CCSER1: variants seen among roughly 807,000 people sequenced by gnomAD.
CCSER1 encodes coiled-coil serine rich protein 1, also known as serine-rich coiled-coil domain-containing protein 1.
In CCSER1, 41 loss-of-function variants were observed where a neutral mutation model predicts 82.0. The observed-to-expected ratio is 0.50, with a 90% confidence interval of 0.39 to 0.65. CCSER1 has a LOEUF of 0.65. CCSER1 is among the 30% of genes least tolerant of loss of function. The probability of loss-of-function intolerance (pLI) is 0.00; values close to 1 mark genes in which losing one functional copy is unlikely to be tolerated. For missense variants in CCSER1, 1,119 were observed against 1,064.2 expected (o/e 1.05, Z -0.72); for synonymous variants, 414 against 383.9 (o/e 1.08, Z -0.92).
At chr4:90,781,737 G>C in intron 7 of CCSER1, 1 of 968,786 alleles carries the variant, frequency 1.0e-6, no homozygotes, top group Non-Finnish European at 1.2e-6. Flanking sequence ...GCCATTGTTT[G>C]CAAGTATGAA....
At chr4:91,036,852 G>A (rs972418000) in intron 9 of CCSER1, among the ~76,000 whole-genome samples, 13 of 152,126 alleles carry the variant, frequency 8.5e-5, no homozygotes, top group African/African-American at 1.2e-4. Flanking sequence ...ACCCAGGCAG[G>A]TGGGTCAGTT....
chr4:91,325,152 TG>T, intron 10 of CCSER1: 1 of 456,176 alleles, frequency 2.2e-6, no homozygotes, highest in Non-Finnish European at 4.4e-6. Flanking sequence ...GGGTTAGCAG[TG>T]GTCCTCTTTT....
chr4:90,534,782 T>A (rs1775108908), intron 5 of CCSER1, among the ~76,000 whole-genome samples: 1 of 152,194 alleles, frequency 6.6e-6, no homozygotes, highest in Non-Finnish European at 1.5e-5. Flanking sequence ...TATTTTTGGA[T>A]TAGATGTAAT....
intron 10 of CCSER1, among the ~76,000 whole-genome samples, chr4:91,322,332 T>C (rs1187766517): frequency 6.6e-6 from 1 of 152,126 alleles, no homozygotes; most frequent in Non-Finnish European, 1.5e-5. Flanking sequence ...ATGTAAACAA[T>C]TGTAACTATC....
intron 10 of CCSER1, among the ~76,000 whole-genome samples, chr4:91,327,995 A>T (rs1001933815): frequency 6.6e-6 from 1 of 152,180 alleles, no homozygotes; most frequent in Admixed American, 6.6e-5. Context: ...GGACTTCATT[A>T]TCCATGTAAC....
chr4:91,357,257 T>C (rs758456445), intron 10 of CCSER1, among the ~76,000 whole-genome samples: 9 of 152,234 alleles, frequency 5.9e-5, no homozygotes, highest in Non-Finnish European at 1.2e-4. Flanking sequence ...TACCTTTATA[T>C]TAGTGTGTTA....
intron 10 of CCSER1, among the ~76,000 whole-genome samples, chr4:91,172,394 A>G (rs563862754): frequency 1.1e-3 from 163 of 152,340 alleles, no homozygotes; most frequent in African/African-American, 3.6e-3. Flanking sequence ...TTCTAGGAAA[A>G]GGCAACAACA....
intron 1 of CCSER1, among the ~76,000 whole-genome samples, chr4:90,128,701 G>A (rs1282911532): frequency 1.3e-5 from 2 of 152,116 alleles, no homozygotes. Flanking sequence ...GTGCTTCTGC[G>A]TGCGTGGAGG....
intron 1 of CCSER1, among the ~76,000 whole-genome samples, chr4:90,183,762 T>G (rs1275966036): frequency 6.6e-6 from 1 of 152,158 alleles, no homozygotes. Flanking sequence ...AATCTGGCAG[T>G]GTTAAGGACA....
chr4:90,228,097 AG>A (rs1401711019), intron 1 of CCSER1, among the ~76,000 whole-genome samples: 1 of 152,222 alleles, frequency 6.6e-6, no homozygotes, highest in African/African-American at 2.4e-5. Flanking sequence ...GCAGCCGGGA[AG>A]CTCCAACTGG....
At chr4:90,492,897 C>T (rs1171264109) in intron 5 of CCSER1, among the ~76,000 whole-genome samples, 3 of 151,972 alleles carry the variant, frequency 2.0e-5, no homozygotes, top group African/African-American at 4.8e-5. Context: ...TTTGTTAAAG[C>T]TTCTATTCTT....
intron 10 of CCSER1, among the ~76,000 whole-genome samples, chr4:91,596,292 TG>T (rs1764574321): frequency 6.6e-6 from 1 of 151,984 alleles, no homozygotes; most frequent in African/African-American, 2.4e-5. Flanking sequence ...ATTAAAATAG[TG>T]GAAATGAAGT....
At chr4:91,386,720 T>C (rs1195005323) in intron 10 of CCSER1, among the ~76,000 whole-genome samples, 4 of 152,018 alleles carry the variant, frequency 2.6e-5, no homozygotes, top group Non-Finnish European at 5.9e-5. Flanking sequence ...GCAATGAACT[T>C]TGTTTCTGCA....
chr4:90,700,102 A>G (rs1215618545), intron 6 of CCSER1, among the ~76,000 whole-genome samples: 2 of 151,724 alleles, frequency 1.3e-5, no homozygotes, highest in Non-Finnish European at 2.9e-5. Flanking sequence ...CTCGTCATTT[A>G]CATTAGGTAT....
At chr4:91,136,228 A>C (rs941016606) in intron 10 of CCSER1, among the ~76,000 whole-genome samples, 1 of 152,208 alleles carries the variant, frequency 6.6e-6, no homozygotes, top group Non-Finnish European at 1.5e-5. Context: ...CAATTAAAAC[A>C]CTACTCTTCA....
chr4:90,955,223 C>G (rs1733315884), intron 9 of CCSER1, among the ~76,000 whole-genome samples: 2 of 152,176 alleles, frequency 1.3e-5, no homozygotes, highest in Non-Finnish European at 2.9e-5. Context: ...CAAAAAGACA[C>G]TCAGTAAACA....
intron 1 of CCSER1, among the ~76,000 whole-genome samples, chr4:90,139,589 A>AT (rs1028518733): frequency 3.3e-5 from 5 of 152,052 alleles, no homozygotes; most frequent in Non-Finnish European, 5.9e-5. Context: ...TTTCTTGGTA[A>AT]TTTTTTTCCT....
At chr4:90,263,519 G>A (rs1413320359) in intron 1 of CCSER1, among the ~76,000 whole-genome samples, 2 of 152,172 alleles carry the variant, frequency 1.3e-5, no homozygotes, top group African/African-American at 4.8e-5. Context: ...GACAGACTCA[G>A]GACCTCTGGT....
chr4:90,392,153 G>A (rs1751279943), intron 3 of CCSER1, among the ~76,000 whole-genome samples: 1 of 151,860 alleles, frequency 6.6e-6, no homozygotes, highest in South Asian at 2.1e-4. Flanking sequence ...TAAACTAACA[G>A]CAGTCATTAA....
Sources: gnomAD v4.1 joint callset for allele counts (sites outside exome capture counted in the v4.1 genomes callset) on GRCh38, gnomAD v4.1.1 for gene constraint, MANE v1.5 for transcripts, NCBI Gene and HGNC (gene_info 2026-07-23, HGNC 2026-07-21) for gene names.